Variants in VPS4B observed in about 807,000 individuals in gnomAD.
VPS4B encodes the protein vacuolar protein sorting 4 homolog B, also known as vacuolar protein sorting-associated protein 4B.
VPS4B carries 23 observed loss-of-function variants against 56.1 expected under a neutral mutation model. That is an observed-to-expected ratio of 0.41 (90% CI 0.30 to 0.58). The LOEUF (loss-of-function observed/expected upper bound fraction) is 0.58. Ranked by LOEUF, VPS4B falls within the 20% of genes least tolerant of loss-of-function variation. The probability of loss-of-function intolerance (pLI) is 0.29; values close to 1 mark genes in which losing one functional copy is unlikely to be tolerated. For synonymous variants in VPS4B, 177 were observed against 186.0 expected (o/e 0.95, Z 0.39); for missense variants, 372 against 531.9 (o/e 0.70, Z 2.96).
rs1361075839 is a variant in VPS4B at position 63,389,949 on chromosome 18, CT to C, written c.*1025del. The C allele has an allele frequency of 2.6e-5, 4 of 152,734 alleles. No homozygotes were observed. The East Asian group carries it at 7.7e-4, about 29-fold the overall frequency. 9.5% of individuals were successfully genotyped at this position (152,734 alleles called of 1,614,324 possible). A position where few individuals can be genotyped will look rare whatever the true frequency, so the allele number is the denominator to read the frequency against. On this transcript the variant is annotated 3_prime_UTR_variant, in exon 11 of 11. Coordinates refer to ENST00000238497, the MANE Select transcript of VPS4B (RefSeq NM_004869.4). ...AAAAGACACTGAAATAGACAATTTT[CT>C]TCTTTAAGGTAAAGACAATGTCTAA...
chr18:63,392,716 G>C (rs565926530), intron 10 of VPS4B, among the ~76,000 whole-genome samples: 2 of 150,242 alleles, frequency 1.3e-5, no homozygotes, highest in African/African-American at 4.9e-5. Flanking sequence ...CCAAAGTGTT[G>C]GGATTACAGG....
At chr18:63,407,587 G>C in intron 3 of VPS4B, 88 bp from the exon 4 acceptor site, 1 of 1,009,394 alleles carries the variant, frequency 9.9e-7, no homozygotes, top group Non-Finnish European at 1.4e-6. Context: ...TGAAATATTT[G>C]TAATTTCAGT....
chr18:63,421,802 C>G (rs1283447856), intron 1 of VPS4B, among the ~76,000 whole-genome samples: 1 of 152,172 alleles, frequency 6.6e-6, no homozygotes, highest in Non-Finnish European at 1.5e-5. Flanking sequence ...GGTCTGTTCC[C>G]ATATCTCTAC....
intron 3 of VPS4B, among the ~76,000 whole-genome samples, chr18:63,409,910 T>A (rs1915996290): frequency 6.6e-6 from 1 of 152,220 alleles, no homozygotes; most frequent in Non-Finnish European, 1.5e-5. Context: ...CTGAGTACTA[T>A]TCCTACAAGC....
At chr18:63,391,259 ACT>A (rs1354799958) in intron 10 of VPS4B, among the ~76,000 whole-genome samples, 183 bp from the exon 11 acceptor site, 1 of 138,886 alleles carries the variant, frequency 7.2e-6, no homozygotes, top group Non-Finnish European at 1.5e-5. Context: ...TTGGAGTCTC[ACT>A]CTGTTGGCTC....
chr18:63,392,280 G>C (rs1291490157), intron 10 of VPS4B, among the ~76,000 whole-genome samples: 1 of 152,162 alleles, frequency 6.6e-6, no homozygotes, highest in Non-Finnish European at 1.5e-5. Flanking sequence ...GCCTTGCAAA[G>C]TAAGTCTTGT....
chr18:63,400,886 A>G (rs1915793580), intron 5 of VPS4B, among the ~76,000 whole-genome samples, 183 bp from the exon 6 acceptor site: 1 of 152,236 alleles, frequency 6.6e-6, no homozygotes, highest in African/African-American at 2.4e-5. Context: ...CTACTTTATC[A>G]AAAAGAGACT....
chr18:63,403,871 C>A (rs1335263097), intron 4 of VPS4B, 45 bp from the exon 5 acceptor site: 2 of 1,567,448 alleles, frequency 1.3e-6, no homozygotes, highest in Non-Finnish European at 1.7e-6. Flanking sequence ...GACTATTTCA[C>A]CAAAGTTAGA....
At chr18:63,418,450 C>T (rs1380259367) in intron 1 of VPS4B, among the ~76,000 whole-genome samples, 2 of 151,930 alleles carry the variant, frequency 1.3e-5, no homozygotes, top group African/African-American at 4.8e-5. Context: ...CACTGTGTCA[C>T]CCAGGCTGGA....
intron 3 of VPS4B, 94 bp from the exon 4 acceptor site, chr18:63,407,593 T>A (rs1915945682): frequency 1.0e-6 from 1 of 976,112 alleles, no homozygotes; most frequent in South Asian, 1.6e-5. Flanking sequence ...ATTTGTAATT[T>A]CAGTGGCAAA....
At position 63,390,144 on chromosome 18, in the gene VPS4B, G is replaced by C. The variant is rs183290844; in HGVS notation, c.*831C>G. On this transcript the variant is annotated 3_prime_UTR_variant, in exon 11 of 11. Coordinates refer to ENST00000238497, the MANE Select transcript of VPS4B (RefSeq NM_004869.4). ...GCTGGAATGCAGTAGCGCGATCTCAGCTCACTGCAACCTCTGCCTCCCAGG... is the reference window on the plus strand; with the variant it reads ...GCTGGAATGCAGTAGCGCGATCTCACCTCACTGCAACCTCTGCCTCCCAGG... The C allele has an allele frequency of 6.6e-5, 10 of 152,342 alleles. No individual in the cohort carries two copies. Among genetic ancestry groups the C allele is most frequent in the African/African-American group, 1.4e-4 (6 of 41,434 alleles). The allele number at this position is 152,342 out of a possible 1,614,324, so 9.4% of individuals were successfully genotyped here. A position where few individuals can be genotyped will look rare whatever the true frequency, so the allele number is the denominator to read the frequency against.
intron 7 of VPS4B, among the ~76,000 whole-genome samples, chr18:63,399,774 T>C (rs922092665): frequency 3.9e-5 from 6 of 152,212 alleles, no homozygotes; most frequent in African/African-American, 1.4e-4. Context: ...TGAAACAGTT[T>C]GTTAGAATGG....
chr18:63,398,349 G>T (rs1054006876), intron 8 of VPS4B, among the ~76,000 whole-genome samples: 1 of 151,664 alleles, frequency 6.6e-6, no homozygotes, highest in African/African-American at 2.4e-5. Context: ...CGAGTAGCTG[G>T]GACTACAGAC....
intron 3 of VPS4B, 65 bp downstream of exon 3, chr18:63,410,225 C>T: frequency 6.3e-7 from 1 of 1,589,124 alleles, no homozygotes; most frequent in South Asian, 1.1e-5. Flanking sequence ...CTGTTTTAAT[C>T]AAAAGAAATT....
intron 1 of VPS4B, among the ~76,000 whole-genome samples, chr18:63,414,197 T>C (rs1599366311): frequency 6.6e-6 from 1 of 151,596 alleles, no homozygotes; most frequent in South Asian, 2.1e-4. Context: ...GCCTGGCCAA[T>C]ATAATGAAAC....
At chr18:63,392,351 G>A (rs184986055) in intron 10 of VPS4B, among the ~76,000 whole-genome samples, 96 of 152,250 alleles carry the variant, frequency 6.3e-4, no homozygotes, top group Non-Finnish European at 1.2e-3. Flanking sequence ...AATAAAAATA[G>A]AACTACAATA....
At chr18:63,417,136 T>G (rs1424377448) in intron 1 of VPS4B, among the ~76,000 whole-genome samples, 1 of 152,202 alleles carries the variant, frequency 6.6e-6, no homozygotes, top group Non-Finnish European at 1.5e-5. Flanking sequence ...ATCTTCTTCC[T>G]TTTGGTTACT....
At chr18:63,412,870 C>T (rs571877195) in intron 1 of VPS4B, among the ~76,000 whole-genome samples, 33 of 151,708 alleles carry the variant, frequency 2.2e-4, no homozygotes, top group Non-Finnish European at 3.4e-4. Context: ...TCTGGGGATG[C>T]GCAGAGTTCT....
intron 8 of VPS4B, among the ~76,000 whole-genome samples, chr18:63,398,246 ACT>A (rs1341980839): frequency 6.8e-6 from 1 of 147,482 alleles, no homozygotes; most frequent in Non-Finnish European, 1.5e-5. Flanking sequence ...ATGGAGTCTC[ACT>A]CTGTTGCCCA....
Sources: allele counts gnomAD v4.1 joint callset (sites outside exome capture counted in the v4.1 genomes callset), GRCh38; gene constraint gnomAD v4.1.1; transcripts MANE v1.5; gene names NCBI Gene and HGNC (gene_info 2026-07-23, HGNC 2026-07-21).